The following SMARCA4 variants were observed in gnomAD, a reference collection of about 807,000 sequenced individuals.
SMARCA4 encodes SWI/SNF-related matrix-associated actin-dependent regulator of chromatin subfamily A member 4.
SMARCA4 carries 31 observed loss-of-function variants against 193.9 expected under a neutral mutation model. The observed-to-expected ratio is 0.16, with a 90% CI of 0.12 to 0.22. SMARCA4 has a LOEUF of 0.22. Ranked by LOEUF, SMARCA4 falls within the 10% of genes least tolerant of loss-of-function variation. The pLI is 1.00. For missense variants in SMARCA4, 1,148 were observed against 2,296.0 expected (o/e 0.50, Z 10.22); for synonymous variants, 942 against 933.1 (o/e 1.01, Z -0.17).
chr19:11,006,802 G>A (rs1003752211), intron 13 of SMARCA4, among the ~76,000 whole-genome samples: 2 of 151,806 alleles, frequency 1.3e-5, no homozygotes, highest in African/African-American at 2.4e-5. Context: ...AAGAAGCGTC[G>A]GGGCCGGGTG....
At chr19:10,990,764 G>T (rs2086486263) in intron 7 of SMARCA4, among the ~76,000 whole-genome samples, 1 of 152,194 alleles carries the variant, frequency 6.6e-6, no homozygotes, top group East Asian at 1.9e-4. Flanking sequence ...TCTCCATGTT[G>T]CCCAGGTTGG....
At chr19:11,007,049 T>C (rs1287407717) in intron 13 of SMARCA4, among the ~76,000 whole-genome samples, 1 of 152,026 alleles carries the variant, frequency 6.6e-6, no homozygotes, top group African/African-American at 2.4e-5. Flanking sequence ...ATAGCACCAC[T>C]GCCCTCCAGC....
chr19:11,059,557 G>T (rs1244123466), intron 32 of SMARCA4, among the ~76,000 whole-genome samples, 196 bp from the exon 33 acceptor site: 2 of 152,340 alleles, frequency 1.3e-5, no homozygotes, highest in East Asian at 3.9e-4. Flanking sequence ...TCTGATGCTC[G>T]GGCCCCTATG....
rs2147157530 is a variant in SMARCA4 at position 11,061,775 on chromosome 19, C to T, written c.4912-9C>T. 1 of 1,613,570 alleles carries T rather than the reference C, an allele frequency of 6.2e-7. No individual in the cohort carries two copies. Among genetic ancestry groups the T allele is most frequent in the Non-Finnish European group, 8.5e-7 (1 of 1,179,906 alleles). On this transcript the variant is annotated splice_polypyrimidine_tract_variant and intron_variant, in intron 34 of 34. Transcript: ENST00000344626. The stretch of plus-strand genomic sequence containing the variant: ...CAACGCACACTCTCTCCTCCTGTCC[C>T]CTCTCCAGGACCGCTCAGGAAGTGG...
Position 10,995,376 on chromosome 19 carries a change from C to T in SMARCA4, c.1593+375C>T, listed in dbSNP as rs552556344. 11 of 471,374 alleles carry T rather than the reference C, an allele frequency of 2.3e-5. 1 individual carries two copies. The highest frequency in any genetic ancestry group is 1.4e-4 in the Admixed American group (6 of 42,960). The allele number at this position is 471,374 out of a possible 1,614,324, so 29.2% of individuals were successfully genotyped here. A position where few individuals can be genotyped will look rare whatever the true frequency, so the allele number is the denominator to read the frequency against. ...TCGCTGGTTGGGCAGATATTGGCAG[C>T]GTGTTCTGGGCCAGGTGCTGCTCTG... On this transcript the variant is annotated intron_variant, in intron 9 of 34. Transcript: ENST00000344626.
rs2146540385 is a variant in SMARCA4 at position 11,027,770 on chromosome 19, C to T, written c.3216-14C>T. The T allele has an allele frequency of 6.2e-7, 1 of 1,613,978 alleles. No homozygotes were observed. Among genetic ancestry groups the T allele is most frequent in the East Asian group, 2.2e-5 (1 of 44,888 alleles). ...ACATCCTGCGCCTTCTCTCCTGCCT[C>T]CTCCACACTCCAGGCTGGACCTGTA... On this transcript the variant is annotated splice_polypyrimidine_tract_variant and intron_variant, in intron 23 of 34. Transcript: ENST00000344626.
rs1175225882 is a variant in SMARCA4, at chr19:11,061,203, AAATATAT to A, written c.4912-579_4912-573del. ...ACCCTGTCTTTAAAAAAAAAAAAAA[AAATATAT>A]ATATATATATATATATATATATATA... On this transcript the variant is annotated intron_variant, in intron 34 of 34. Coordinates refer to ENST00000344626, the MANE Select transcript of SMARCA4 (RefSeq NM_003072.5). Among the ~76,000 whole-genome samples, 140 of 47,434 alleles carry A rather than the reference AAATATAT, an allele frequency of 3.0e-3. 1 individual carries two copies. The South Asian group carries it at 0.032, about 11-fold the overall frequency. 31.1% of individuals were successfully genotyped at this position (47,434 alleles called of 152,430 possible).
chr19:11,013,844 G>A (rs886369028), intron 16 of SMARCA4, among the ~76,000 whole-genome samples: 16 of 152,224 alleles, frequency 1.1e-4, no homozygotes, highest in Admixed American at 7.2e-4. Flanking sequence ...GGTGGGATCC[G>A]GACACCCTGA....
chr19:11,057,919 A>G (rs1427296463), intron 30 of SMARCA4, among the ~76,000 whole-genome samples: 1 of 151,860 alleles, frequency 6.6e-6, no homozygotes, highest in East Asian at 1.9e-4. Context: ...TCTGACCAAC[A>G]TGGAGAAACC....
In SMARCA4 at chr19:10,996,208, T is replaced by C. The variant is rs1223041498; in HGVS notation, c.1594-5T>C. The C allele has an allele frequency of 6.2e-7, 1 of 1,614,158 alleles. No individual in the cohort carries two copies. Among genetic ancestry groups the C allele is most frequent in the South Asian group, 1.1e-5 (1 of 91,082 alleles). ...CACATTGCAGTAACCCCCATGCTTT[T>C]GTAGGCTGAAGATGAGGAGGGGTAC... On this transcript the variant is annotated splice_region_variant and splice_polypyrimidine_tract_variant and intron_variant, in intron 9 of 34. Transcript: ENST00000344626.
At chr19:10,961,228 TGA>T (rs1183526864) in intron 1 of SMARCA4, 54 bp downstream of exon 1, 2 of 145,944 alleles carry the variant, frequency 1.4e-5, no homozygotes, top group Non-Finnish European at 3.0e-5. Flanking sequence ...GAGGGCGGTT[TGA>T]ATGGAGCCGG....
intron 29 of SMARCA4, among the ~76,000 whole-genome samples, chr19:11,039,119 C>T (rs966486114): frequency 1.3e-5 from 2 of 152,048 alleles, no homozygotes; most frequent in Admixed American, 6.6e-5. Flanking sequence ...TTTGGGAGGC[C>T]GAGGTGGGCA....
At chr19:10,992,820 T>G (rs1490227791) in intron 8 of SMARCA4, among the ~76,000 whole-genome samples, 1 of 152,018 alleles carries the variant, frequency 6.6e-6, no homozygotes, top group Non-Finnish European at 1.5e-5. Context: ...CTCAGACTGT[T>G]GACCTCGTGA....
At chr19:11,052,650 A>G (rs1446564678) in intron 30 of SMARCA4, among the ~76,000 whole-genome samples, 2 of 152,186 alleles carry the variant, frequency 1.3e-5, no homozygotes, top group South Asian at 2.1e-4. Context: ...ACTCAGAGCC[A>G]CTCAGGATTC....
rs1022708983 is a variant in SMARCA4 at position 11,041,531 on chromosome 19, T to C, written c.4395T>C (p.Ile1465=). 3.9e-6 allele frequency: 6 copies of C among 1,555,804 alleles called. No homozygotes were observed. Among genetic ancestry groups the C allele is most frequent in the Non-Finnish European group, 5.3e-6 (6 of 1,140,634 alleles). ...PPNLTKKMKK[I]VDAVIKYKDS... is the part of the protein sequence containing the mutation. The stretch of plus-strand genomic sequence containing the variant: ...ACCTCACCAAGAAGATGAAGAAGAT[T>C]GTGGATGCCGTGATCAAGTACAAGG... Residue 1465 remains isoleucine, a synonymous_variant, in exon 30 of 35, where the codon ATT becomes ATC. Transcript: ENST00000344626. The surrounding 1 kb of genome is among the most constrained non-coding windows in gnomAD (Gnocchi z 5.6).
chr19:11,056,322 T>G (rs1031660316), intron 30 of SMARCA4: 1 of 152,060 alleles, frequency 6.6e-6, no homozygotes, highest in East Asian at 1.9e-4. Context: ...AGCCCGCTCA[T>G]AGGAAAAAGG....
chr19:10,985,308 C>T lies in SMARCA4; in HGVS notation c.258C>T (p.Asp86=), dbSNP rs115992445. Residue 86 remains aspartate (D), a synonymous_variant, in exon 3 of 35, where the codon GAC becomes GAT. Coordinates refer to ENST00000344626, the MANE Select transcript of SMARCA4 (RefSeq NM_003072.5). The surrounding 1 kb of genome is among the most constrained non-coding windows in gnomAD (Gnocchi z 4.5). ...CCATGCATGAGAAGGGCATGTCGGA[C>T]GACCCGCGCTACAACCAGATGAAAG... ...MESMHEKGMS[D]DPRYNQMKGM... 473 of 1,614,012 alleles carry T rather than the reference C, an allele frequency of 2.9e-4. 5 individuals carry two copies. In the African/African-American group the frequency reaches 4.9e-3, roughly 17 times the overall value.
chr19:11,011,594 A>T (rs527592664), intron 15 of SMARCA4: 2 of 152,232 alleles, frequency 1.3e-5, no homozygotes, highest in Non-Finnish European at 2.9e-5. Flanking sequence ...ACATGCACCT[A>T]TAGTCCCAGC....
At chr19:11,015,070 C>T (rs543863878) in intron 16 of SMARCA4, among the ~76,000 whole-genome samples, 1 of 152,258 alleles carries the variant, frequency 6.6e-6, no homozygotes, top group East Asian at 1.9e-4. Flanking sequence ...GCCTTGGCCT[C>T]CCAAAGTGCT....
Sources: allele counts gnomAD v4.1 joint callset (sites outside exome capture counted in the v4.1 genomes callset), GRCh38; gene constraint gnomAD v4.1.1; non-coding constraint Gnocchi (gnomAD v3.1); transcripts MANE v1.5; gene names NCBI Gene and HGNC (gene_info 2026-07-23, HGNC 2026-07-21).